The following PARD3B variants were observed in gnomAD, a reference collection of about 807,000 sequenced individuals.
The protein encoded by PARD3B is partitioning defective 3 homolog B.
In PARD3B, 103 loss-of-function variants were observed where a neutral mutation model predicts 130.2. The ratio of observed to expected loss-of-function variants is 0.79; its 90% confidence interval spans 0.67 to 0.93. The LOEUF is 0.93. PARD3B is among the 40% of genes least tolerant of loss of function. The pLI is 0.00. For synonymous variants in PARD3B, 583 were observed against 553.2 expected (o/e 1.05, Z -0.76); for missense variants, 1,609 against 1,499.2 (o/e 1.07, Z -1.21).
At chr2:204,631,819 T>A (rs2034690342) in intron 1 of PARD3B, among the ~76,000 whole-genome samples, 1 of 152,180 alleles carries the variant, frequency 6.6e-6, no homozygotes, top group Non-Finnish European at 1.5e-5. Flanking sequence ...TCCCTCAGCA[T>A]TTGCTTTTCT....
chr2:205,499,422 AC>A (rs1248801688), intron 20 of PARD3B, among the ~76,000 whole-genome samples: 1 of 151,176 alleles, frequency 6.6e-6, no homozygotes, highest in Non-Finnish European at 1.5e-5. Flanking sequence ...CCCATCCCCA[AC>A]CCCCACTCCC....
At position 205,589,608 on chromosome 2, in the gene PARD3B, CTT is replaced by C. The variant is rs2054313162; in HGVS notation, c.3261-25847_3261-25846del. 6.6e-6 allele frequency among the ~76,000 whole-genome samples: 1 copy of C among 152,172 alleles called. No homozygotes were observed. On this transcript the variant is annotated intron_variant, in intron 22 of 22. Transcript: ENST00000406610. This position sits in a 1 kb window ranked among gnomAD's most constrained non-coding sequence, Gnocchi z 4.1. ...CTCCCTTGGGTCTGAGCAGGCAAGA[CTT>C]GTCTTGGCATGTTTTCTATTTATAT...
At chr2:204,743,664 T>C (rs2040102359) in intron 2 of PARD3B, among the ~76,000 whole-genome samples, 1 of 152,136 alleles carries the variant, frequency 6.6e-6, no homozygotes, top group Non-Finnish European at 1.5e-5. Flanking sequence ...GCTTCCTGAG[T>C]GGCCTTTCAA....
chr2:205,499,061 A>G (rs1346217466), intron 20 of PARD3B, among the ~76,000 whole-genome samples: 1 of 152,192 alleles, frequency 6.6e-6, no homozygotes, highest in Non-Finnish European at 1.5e-5. Flanking sequence ...AATGAACCAG[A>G]TAAGTAGAAT....
chr2:205,332,941 T>C (rs762620519), intron 18 of PARD3B, among the ~76,000 whole-genome samples: 1 of 152,254 alleles, frequency 6.6e-6, no homozygotes, highest in African/African-American at 2.4e-5. Context: ...ATTCCTTAGC[T>C]GTTATATAGC....
Position 205,458,890 on chromosome 2 carries a change from TTTGA to T in PARD3B, c.3044+18223_3044+18226del, listed in dbSNP as rs2106218960. Among the ~76,000 whole-genome samples, 2 of 152,306 alleles carry T rather than the reference TTTGA, an allele frequency of 1.3e-5. No homozygotes were observed. Among genetic ancestry groups the T allele is most frequent in the Admixed American group, 1.3e-4 (2 of 15,290 alleles). On this transcript the variant is annotated intron_variant, in intron 20 of 22. Coordinates refer to ENST00000406610, the MANE Select transcript of PARD3B (RefSeq NM_001302769.2). The surrounding 1 kb of genome is among the most constrained non-coding windows in gnomAD (Gnocchi z 4.8). ...AGGGACACATTGCCTTAATGCAGTC[TTTGA>T]TTGAGATCACTAGAAGCTGGATTTT...
rs2046958701 is a variant in PARD3B, at chr2:205,421,154, A to AC, written c.2742-19216_2742-19215insC. 6.6e-6 allele frequency among the ~76,000 whole-genome samples: 1 copy of AC among 151,928 alleles called. No homozygotes were observed. The highest frequency in any genetic ancestry group is 2.4e-5 in the African/African-American group (1 of 41,432). ...CAAAAAACAAAAAAAACAAAACAAA[A>AC]AAAACGGAAAAGAAAATATGTGCTG... On this transcript the variant is annotated intron_variant, in intron 19 of 22. Coordinates refer to ENST00000406610, the MANE Select transcript of PARD3B (RefSeq NM_001302769.2). The surrounding 1 kb of genome is among the most constrained non-coding windows in gnomAD (Gnocchi z 5.1).
intron 2 of PARD3B, among the ~76,000 whole-genome samples, chr2:204,705,353 T>G (rs1386091544): frequency 6.6e-6 from 1 of 152,108 alleles, no homozygotes; most frequent in Non-Finnish European, 1.5e-5. Context: ...GTAATGGCTA[T>G]AAAGACACAC....
At position 204,623,474 on chromosome 2, in the gene PARD3B, C is replaced by T. The variant is rs2034374543; in HGVS notation, c.121-62707C>T. ...ACCATCCCTTTTTCCTTGCAATCAA[C>T]AATCTTTTCTATATCTCTATAATTT... On this transcript the variant is annotated intron_variant, in intron 1 of 22. Transcript: ENST00000406610. This position sits in a 1 kb window ranked among gnomAD's most constrained non-coding sequence, Gnocchi z 4.5. 1.3e-5 allele frequency among the ~76,000 whole-genome samples: 2 copies of T among 152,120 alleles called. No homozygotes were observed. The highest frequency in any genetic ancestry group is 2.4e-5 in the African/African-American group (1 of 41,438).
intron 2 of PARD3B, among the ~76,000 whole-genome samples, chr2:204,961,995 G>A (rs1038960709): frequency 3.3e-5 from 5 of 152,160 alleles, no homozygotes; most frequent in African/African-American, 7.2e-5. Flanking sequence ...AAAAAATGGG[G>A]TGGGACCTGT....
intron 2 of PARD3B, among the ~76,000 whole-genome samples, chr2:204,716,414 G>A (rs1190683724): frequency 6.6e-6 from 1 of 151,952 alleles, no homozygotes; most frequent in Non-Finnish European, 1.5e-5. Context: ...GGCTTAGGGG[G>A]CCAGAGTTAT....
At chr2:205,349,776 G>A (rs1018331228) in intron 18 of PARD3B, among the ~76,000 whole-genome samples, 1 of 145,660 alleles carries the variant, frequency 6.9e-6, no homozygotes, top group South Asian at 2.2e-4. Flanking sequence ...AAAAAAGGAA[G>A]GAAATGTATC....
At position 204,967,101 on chromosome 2, in the gene PARD3B, G is replaced by T. The variant is rs1007171837; in HGVS notation, c.394+1778G>T. On this transcript the variant is annotated intron_variant, in intron 3 of 22. Coordinates refer to ENST00000406610, the MANE Select transcript of PARD3B (RefSeq NM_001302769.2). This position sits in a 1 kb window ranked among gnomAD's most constrained non-coding sequence, Gnocchi z 4.4. ...AACCAACTAATATAACTGTCTTGGG[G>T]TTTACTTTGAGAATATATGCCAAAA... 2.0e-5 allele frequency among the ~76,000 whole-genome samples: 3 copies of T among 152,110 alleles called. No individual in the cohort carries two copies. Among genetic ancestry groups the T allele is most frequent in the Non-Finnish European group, 4.4e-5 (3 of 68,028 alleles).
chr2:204,743,379 A>C (rs1471650149), intron 2 of PARD3B, among the ~76,000 whole-genome samples: 3 of 152,054 alleles, frequency 2.0e-5, no homozygotes, highest in Admixed American at 6.6e-5. Context: ...CTTTGCTTTA[A>C]ATGTTCCACT....
intron 1 of PARD3B, among the ~76,000 whole-genome samples, chr2:204,573,303 A>G (rs982437544): frequency 7.9e-5 from 12 of 152,202 alleles, no homozygotes; most frequent in Admixed American, 3.9e-4. Flanking sequence ...AACCATAGCA[A>G]TATGGTAGTG....
At chr2:205,305,169 A>G (rs991283449) in intron 18 of PARD3B, among the ~76,000 whole-genome samples, 3 of 152,198 alleles carry the variant, frequency 2.0e-5, no homozygotes, top group Non-Finnish European at 4.4e-5. Flanking sequence ...CATTCCTTAT[A>G]GGGTTAAAGT....
intron 18 of PARD3B, among the ~76,000 whole-genome samples, chr2:205,337,082 T>G (rs2043340690): frequency 6.6e-6 from 1 of 152,224 alleles, no homozygotes. Context: ...TTTTTGTCTT[T>G]CCCTAGACAG....
chr2:205,112,997 T>G (rs1168284597), intron 5 of PARD3B, among the ~76,000 whole-genome samples: 3 of 152,202 alleles, frequency 2.0e-5, no homozygotes, highest in Non-Finnish European at 4.4e-5. Flanking sequence ...CAACTGTGGC[T>G]TCACAGCCAT....
rs2036653095 is a variant in PARD3B at position 204,678,343 on chromosome 2, A to G, written c.121-7838A>G. The stretch of plus-strand genomic sequence containing the variant: ...TGCCCTTTTGGTTGTTGCCTTCAAC[A>G]GAGAGCTAAGCCTTAACCAGCTCAG... On this transcript the variant is annotated intron_variant, in intron 1 of 22. Coordinates refer to ENST00000406610, the MANE Select transcript of PARD3B (RefSeq NM_001302769.2). This position sits in a 1 kb window ranked among gnomAD's most constrained non-coding sequence, Gnocchi z 4.2. Among the ~76,000 whole-genome samples, 2 of 152,304 alleles carry G rather than the reference A, an allele frequency of 1.3e-5. No individual in the cohort carries two copies. The highest frequency in any genetic ancestry group is 2.4e-5 in the African/African-American group (1 of 41,580).
Sources: gnomAD v4.1 joint callset for allele counts (sites outside exome capture counted in the v4.1 genomes callset) on GRCh38, gnomAD v4.1.1 for gene constraint, Gnocchi (gnomAD v3.1) non-coding constraint, MANE v1.5 for transcripts, NCBI Gene and HGNC (gene_info 2026-07-23, HGNC 2026-07-21) for gene names.